Variants in POLD1 observed in about 807,000 individuals in gnomAD.
The protein encoded by POLD1 is DNA polymerase delta 1, catalytic subunit.
In POLD1, 79 loss-of-function variants were observed where a neutral mutation model predicts 129.7. That is an observed-to-expected ratio of 0.61 (90% CI 0.51 to 0.73). The LOEUF is 0.73. POLD1 is among the 30% of genes least tolerant of loss of function. The probability of loss-of-function intolerance (pLI) is 0.00; values close to 1 mark genes in which losing one functional copy is unlikely to be tolerated. For missense variants in POLD1, 1,338 were observed against 1,595.8 expected, an observed-to-expected ratio of 0.84 and a Z score of 2.75; for synonymous variants, 714 against 683.3, an observed-to-expected ratio of 1.04 and a Z score of -0.70.
chr19:50,398,712 G>C, intron 1 of POLD1, 139 bp from the exon 2 acceptor site: 1 of 1,367,332 alleles, frequency 7.3e-7, no homozygotes, highest in Non-Finnish European at 9.8e-7. Context: ...CTGCCTGCAG[G>C]GTGCAGAGAG....
chr19:50,392,634 C>T lies in POLD1; in HGVS notation c.-1-6217C>T, dbSNP rs770825000. Among the ~76,000 whole-genome samples the T allele has an allele frequency of 4.7e-5, 7 of 150,062 alleles. No homozygotes were observed. The South Asian group carries it at 1.2e-3, about 27-fold the overall frequency. ...CTGGTATTACAGGCACCCACCACCACGCCTGGCTAATTTTTGTATTTTAGT... is the reference window on the plus strand; with the variant it reads ...CTGGTATTACAGGCACCCACCACCATGCCTGGCTAATTTTTGTATTTTAGT... On this transcript the variant is annotated intron_variant, in intron 1 of 26. Coordinates refer to ENST00000440232, the MANE Select transcript of POLD1 (RefSeq NM_002691.4).
rs780592984 is a variant in POLD1 at position 50,417,219 on chromosome 19, G to A, written c.3168G>A (p.Thr1056=). ...ALEERFSRLW[T]QCQRCQGSLH... is the part of the protein sequence containing the mutation. ...AGGAGCGCTTCTCGCGCCTCTGGAC[G>A]CAGTGCCAGCGCTGCCAGGGCAGCC... Residue 1056 remains threonine (T), a synonymous_variant, in exon 26 of 27, where the codon ACG becomes ACA. Coordinates refer to ENST00000440232, the MANE Select transcript of POLD1 (RefSeq NM_002691.4). 1.2e-5 allele frequency: 19 copies of A among 1,605,872 alleles called. No homozygotes were observed. Among genetic ancestry groups the A allele is most frequent in the East Asian group, 6.7e-5 (3 of 44,766 alleles).
chr19:50,407,192 G>A lies in POLD1; in HGVS notation c.1686+18G>A. The A allele has an allele frequency of 1.3e-6, 2 of 1,588,158 alleles. No homozygotes were observed. The highest frequency in any genetic ancestry group is 1.7e-6 in the Non-Finnish European group (2 of 1,161,886). On this transcript the variant is annotated intron_variant, in intron 13 of 26. Coordinates refer to ENST00000440232, the MANE Select transcript of POLD1 (RefSeq NM_002691.4). The stretch of plus-strand genomic sequence containing the variant: ...TGCGGCAGGTCAGTAGCCGAGACTT[G>A]TCCTCGCCACCCCCCACCAGGCACG...
rs767098823 is a variant in POLD1, at chr19:50,406,331, G to C, written c.1383+9G>C. 44 of 1,613,302 alleles carry C rather than the reference G, an allele frequency of 2.7e-5. No individual in the cohort carries two copies. The highest frequency in any genetic ancestry group is 3.5e-5 in the Non-Finnish European group (41 of 1,179,636). On this transcript the variant is annotated intron_variant, in intron 11 of 26. Coordinates refer to ENST00000440232, the MANE Select transcript of POLD1 (RefSeq NM_002691.4). The surrounding 1 kb of genome is among the most constrained non-coding windows in gnomAD (Gnocchi z 5.5). Reference sequence around the variant, plus strand: ...AGATGGACATGCTGCAGGTATGGGCGGGAGGTGGGGTGTGTCCCTGTCCTT... The same window carrying C: ...AGATGGACATGCTGCAGGTATGGGCCGGAGGTGGGGTGTGTCCCTGTCCTT...
At chr19:50,407,833 A>G (rs12973028) in intron 14 of POLD1, among the ~76,000 whole-genome samples, 3,787 of 149,090 alleles carry the variant, frequency 0.025, 66 homozygotes, top group African/African-American at 0.037. Flanking sequence ...CGGCCTCCCA[A>G]AGTGCTGGGA....
chr19:50,387,974 C>T (rs1568604275), intron 1 of POLD1, among the ~76,000 whole-genome samples: 1 of 152,198 alleles, frequency 6.6e-6, no homozygotes, highest in East Asian at 1.9e-4. Context: ...TCTAGCCATA[C>T]AGCGGAAAAG....
In POLD1 at chr19:50,415,733, G is replaced by A. The variant is rs753176146; in HGVS notation, c.2727G>A (p.Lys909=). 1.3e-4 allele frequency: 198 copies of A among 1,494,538 alleles called. No homozygotes were observed. Among genetic ancestry groups the A allele is most frequent in the Non-Finnish European group, 1.7e-4 (191 of 1,116,712 alleles). The allele number at this position is 1,494,538 out of a possible 1,614,324, so 92.6% of individuals were successfully genotyped here. ...AHVELAERMR[K]RDPGSAPSLG... ...CCCCATCTCCACGCAGGATGAGGAA[G>A]CGGGACCCCGGGAGTGCGCCCAGCC... Residue 909 remains lysine (K), a synonymous_variant, in exon 22 of 27, where the codon AAG becomes AAA. Transcript: ENST00000440232.
At chr19:50,416,341 T>G in intron 22 of POLD1, 55 bp from the exon 23 acceptor site, 1 of 1,535,348 alleles carries the variant, frequency 6.5e-7, no homozygotes, top group Non-Finnish European at 8.8e-7. Context: ...CCACCCCGTG[T>G]CCACCCCGGT....
chr19:50,397,403 C>CTTT (rs1212103062), intron 1 of POLD1, among the ~76,000 whole-genome samples: 9 of 133,634 alleles, frequency 6.7e-5, no homozygotes, highest in African/African-American at 2.0e-4. Context: ...GAGATTCTGT[C>CTTT]TTTTTTTTTT....
rs183571278 is a variant in POLD1 at position 50,398,671 on chromosome 19, A to G, written c.-1-180A>G. Among the ~76,000 whole-genome samples the G allele has an allele frequency of 2.3e-3, 356 of 151,892 alleles. 2 individuals carry two copies. Among genetic ancestry groups the G allele is most frequent in the African/African-American group, 7.9e-3 (326 of 41,428 alleles). On this transcript the variant is annotated intron_variant, in intron 1 of 26. Coordinates refer to ENST00000440232, the MANE Select transcript of POLD1 (RefSeq NM_002691.4). ...CGGGGCTGCTGCTGCAGTAGCTAAC[A>G]ATTGAGCGTCTGGAATGTGCTCCCA...
At position 50,402,216 on chromosome 19, in the gene POLD1, T is replaced by C. The variant is rs878854555; in HGVS notation, c.601T>C (p.Tyr201His). ...TCTTCCATCCACAGGCATGTTTGGG[T>C]ACCACGGGCACGGCCCCTCCCCGTT... Reference protein sequence around the residue: ...ELCSRESMFGYHGHGPSPFLR... With the variant: ...ELCSRESMFGHHGHGPSPFLR... Residue 201 changes from tyrosine (Y) to histidine (H), a missense_variant, in exon 6 of 27, where the codon TAC (tyrosine) becomes CAC (histidine). Around this residue, in one of 3 missense-constraint regions of POLD1, gnomAD observed 332 missense variants for 315.7 expected, o/e 1.05. Transcript: ENST00000440232. 2 of 1,584,266 alleles carry C rather than the reference T, an allele frequency of 1.3e-6. No individual in the cohort carries two copies. Among genetic ancestry groups the C allele is most frequent in the Non-Finnish European group, 1.7e-6 (2 of 1,163,976 alleles).
chr19:50,404,660 C>T (rs1479699071), intron 10 of POLD1, among the ~76,000 whole-genome samples: 1 of 135,860 alleles, frequency 7.4e-6, no homozygotes, highest in East Asian at 2.2e-4. Context: ...CTCACTGCAA[C>T]CTCCACCTCC....
At chr19:50,396,044 G>A (rs1336748240) in intron 1 of POLD1, among the ~76,000 whole-genome samples, 2 of 104,938 alleles carry the variant, frequency 1.9e-5, no homozygotes, top group Non-Finnish European at 3.6e-5. Context: ...TTGTTTTTTT[G>A]TTTGTTTGTT....
chr19:50,397,043 A>G (rs1463964838), intron 1 of POLD1, among the ~76,000 whole-genome samples: 1 of 143,510 alleles, frequency 7.0e-6, no homozygotes, highest in East Asian at 2.2e-4. Flanking sequence ...TGCAGCCAAG[A>G]TCGCACCACT....
intron 1 of POLD1, among the ~76,000 whole-genome samples, chr19:50,391,777 A>G (rs1416541129): frequency 6.6e-6 from 1 of 151,886 alleles, no homozygotes; most frequent in South Asian, 2.1e-4. Flanking sequence ...CAATGGCGCA[A>G]TCTTGGCTCA....
chr19:50,413,136 A>G (rs2039144675), intron 17 of POLD1, among the ~76,000 whole-genome samples: 1 of 152,142 alleles, frequency 6.6e-6, no homozygotes, highest in African/African-American at 2.4e-5. Context: ...ACACTGGGCC[A>G]GTGGCCTCTT....
At chr19:50,395,930 C>A (rs116114661) in intron 1 of POLD1, among the ~76,000 whole-genome samples, 3,184 of 116,484 alleles carry the variant, frequency 0.027, 126 homozygotes, top group African/African-American at 0.099. Flanking sequence ...CTTGTCCAGT[C>A]CAGTCTTAAA....
rs1555792888 is a variant in POLD1, at chr19:50,414,968, C to G, written c.2542C>G (p.Leu848Val). Residue 848 changes from leucine (L) to valine (V), a missense_variant, in exon 20 of 27, where the codon CTG becomes GTG. Transcript: ENST00000440232. ...CGTGGCCAACCTGGTCACTGCCTCACTGCGCCGCCTGCTCATCGACCGGTG... is the reference window on the plus strand; with the variant it reads ...CGTGGCCAACCTGGTCACTGCCTCAGTGCGCCGCCTGCTCATCGACCGGTG... ...PLVANLVTAS[L>V]RRLLIDRDPE... 1.9e-6 allele frequency: 3 copies of G among 1,593,400 alleles called. No individual in the cohort carries two copies. Among genetic ancestry groups the G allele is most frequent in the Non-Finnish European group, 1.7e-6 (2 of 1,169,138 alleles).
At chr19:50,405,967 T>C (rs1216707578) in intron 10 of POLD1, among the ~76,000 whole-genome samples, 1 of 152,148 alleles carries the variant, frequency 6.6e-6, no homozygotes, top group Non-Finnish European at 1.5e-5. Flanking sequence ...TGACTCTCGC[T>C]ATCCCAGCCT....
Sources: gnomAD v4.1 joint callset for allele counts (sites outside exome capture counted in the v4.1 genomes callset) on GRCh38, gnomAD v4.1.1 for gene constraint, gnomAD v4.1.1 regional missense constraint, Gnocchi (gnomAD v3.1) non-coding constraint, MANE v1.5 for transcripts, NCBI Gene and HGNC (gene_info 2026-07-23, HGNC 2026-07-21) for gene names.